The following S100Z variants were observed in gnomAD, a reference collection of about 807,000 sequenced individuals.
S100Z encodes protein S100-Z.
A neutral mutation model predicts 8.5 loss-of-function variants in S100Z; 11 were observed. The ratio of observed to expected loss-of-function variants is 1.30; its 90% CI spans 0.82 to 2.15. The LOEUF (loss-of-function observed/expected upper bound fraction) is 2.15, where lower values mean the gene tolerates loss of function less well. S100Z is among the 30% of genes most tolerant of loss of function. S100Z has a pLI of 0.00. For synonymous variants in S100Z, 34 were observed against 43.8 expected (o/e 0.78, Z 0.89); for missense variants, 126 against 117.9 (o/e 1.07, Z -0.32).
intron 1 of S100Z, among the ~76,000 whole-genome samples, chr5:76,861,962 G>C (rs1175220061): frequency 2.6e-5 from 4 of 151,838 alleles, no homozygotes; most frequent in Admixed American, 2.0e-4. Flanking sequence ...CATTGTTTAA[G>C]TTATTCACCT....
At chr5:76,887,435 C>T (rs1279848937) in intron 4 of S100Z, among the ~76,000 whole-genome samples, 1 of 130,350 alleles carries the variant, frequency 7.7e-6, no homozygotes, top group Non-Finnish European at 1.6e-5. Flanking sequence ...AGGTCTCGCT[C>T]TGTGCCCAGG....
the S100Z span, among the ~76,000 whole-genome samples, chr5:76,947,961 AATGGAT>A: frequency 4.6e-5 from 7 of 152,322 alleles, no homozygotes; most frequent in Admixed American, 2.0e-4. Flanking sequence ...GCAATGATTT[AATGGAT>A]ATGACACCAT....
chr5:76,897,966 C>T (rs1349794406), intron 4 of S100Z, among the ~76,000 whole-genome samples: 1 of 152,070 alleles, frequency 6.6e-6, no homozygotes, highest in Non-Finnish European at 1.5e-5. Flanking sequence ...AATTTGAATG[C>T]CCTTTATATC....
At position 76,921,123 on chromosome 5, in the gene S100Z, T is replaced by C. The variant is rs1745020870; in HGVS notation, c.*409T>C. ...TTAACTTCTTCATTCGAATTTTCCC[T>C]AGGTCCATGTATCTATATATCTATG... On this transcript the variant is annotated 3_prime_UTR_variant, in exon 5 of 5. Transcript: ENST00000317593. The C allele has an allele frequency of 6.6e-6, 1 of 152,226 alleles. No individual in the cohort carries two copies. Among genetic ancestry groups the C allele is most frequent in the Non-Finnish European group, 1.5e-5 (1 of 68,038 alleles). 9.4% of individuals were successfully genotyped at this position (152,226 alleles called of 1,614,324 possible). A position where few individuals can be genotyped will look rare whatever the true frequency, so the allele number is the denominator to read the frequency against.
At chr5:76,942,103 A>G in the S100Z span, among the ~76,000 whole-genome samples, 1 of 151,794 alleles carries the variant, frequency 6.6e-6, no homozygotes, top group Non-Finnish European at 1.5e-5. Flanking sequence ...CCTACCATAT[A>G]AATATTATTA....
At chr5:76,910,458 A>C (rs1744611203) in intron 4 of S100Z, among the ~76,000 whole-genome samples, 1 of 152,052 alleles carries the variant, frequency 6.6e-6, no homozygotes, top group African/African-American at 2.4e-5. Context: ...ACACAAACAA[A>C]CCTTCATGGT....
rs1442841633 is a variant in S100Z, at chr5:76,921,526, A to C, written c.*812A>C. On this transcript the variant is annotated 3_prime_UTR_variant, in exon 5 of 5. Coordinates refer to ENST00000317593, the MANE Select transcript of S100Z (RefSeq NM_130772.4). The stretch of plus-strand genomic sequence containing the variant: ...AGTTAACGATTATTTAAAAGTATTC[A>C]TAATTTTCTGATAATAAAAGTAAGA... 1 of 152,242 alleles carries C rather than the reference A, an allele frequency of 6.6e-6. No homozygotes were observed. Among genetic ancestry groups the C allele is most frequent in the Non-Finnish European group, 1.5e-5 (1 of 68,044 alleles). The allele number at this position is 152,242 out of a possible 1,614,324, so 9.4% of individuals were successfully genotyped here. A position where few individuals can be genotyped will look rare whatever the true frequency, so the allele number is the denominator to read the frequency against.
chr5:76,855,615 C>T lies in S100Z; in HGVS notation c.-176+5460C>T, dbSNP rs544788229. 4.2e-3 allele frequency among the ~76,000 whole-genome samples: 633 copies of T among 152,250 alleles called. 5 individuals are homozygous for T. The highest frequency in any genetic ancestry group is 0.014 in the African/African-American group (600 of 41,542). ...CAGGAGTATTTACCTAATATCTATA[C>T]CCCCAGTTGTATCTTGGAAGTAACT... On this transcript the variant is annotated intron_variant, in intron 1 of 4. Transcript: ENST00000317593.
chr5:76,888,728 T>C (rs1743751388), intron 4 of S100Z, among the ~76,000 whole-genome samples: 1 of 152,214 alleles, frequency 6.6e-6, no homozygotes, highest in Non-Finnish European at 1.5e-5. Context: ...AGTTTTCATT[T>C]TTTAAAGCAT....
intron 4 of S100Z, among the ~76,000 whole-genome samples, chr5:76,914,657 C>A (rs1183530453): frequency 1.3e-5 from 2 of 152,064 alleles, no homozygotes; most frequent in Non-Finnish European, 2.9e-5. Flanking sequence ...AGACCATGGA[C>A]CCACCAGGAG....
intron 4 of S100Z, among the ~76,000 whole-genome samples, chr5:76,914,809 A>G (rs930508542): frequency 7.9e-5 from 12 of 152,156 alleles, no homozygotes; most frequent in Admixed American, 4.6e-4. Context: ...TAAGAGCTGT[A>G]ACCCTCACAG....
At chr5:76,898,557 T>C (rs1744119807) in intron 4 of S100Z, among the ~76,000 whole-genome samples, 2 of 152,202 alleles carry the variant, frequency 1.3e-5, no homozygotes, top group African/African-American at 2.4e-5. Flanking sequence ...TCAACTGAAA[T>C]GATCATATGG....
the S100Z span, among the ~76,000 whole-genome samples, chr5:76,947,872 A>G: frequency 1.3e-5 from 2 of 151,052 alleles, no homozygotes; most frequent in South Asian, 4.2e-4. Flanking sequence ...CTCAAAATGG[A>G]TTAAAGACTT....
the S100Z span, among the ~76,000 whole-genome samples, chr5:76,945,526 C>T: frequency 1.3e-5 from 2 of 152,232 alleles, no homozygotes; most frequent in East Asian, 3.8e-4. Context: ...AGAAAAGCCG[C>T]CCTGTGGCGG....
downstream of S100Z, among the ~76,000 whole-genome samples, chr5:76,925,691 G>A (rs1201153275): frequency 6.6e-6 from 1 of 152,116 alleles, no homozygotes; most frequent in Admixed American, 6.5e-5. Flanking sequence ...GTAAAGCCAG[G>A]CGTGGTGGCT....
At chr5:76,850,243 C>G (rs554394127) in intron 1 of S100Z, 88 bp downstream of exon 1, 4 of 143,728 alleles carry the variant, frequency 2.8e-5, no homozygotes, top group African/African-American at 1.0e-4. Flanking sequence ...GAGAGGGCAA[C>G]AAGAGTGGAG....
intron 4 of S100Z, among the ~76,000 whole-genome samples, chr5:76,912,151 A>C (rs1235190594): frequency 1.3e-5 from 2 of 152,220 alleles, no homozygotes; most frequent in Non-Finnish European, 2.9e-5. Flanking sequence ...TGGACTACTC[A>C]TGATGTAAAT....
intron 3 of S100Z, among the ~76,000 whole-genome samples, chr5:76,876,521 A>G (rs1241640500): frequency 2.0e-5 from 3 of 152,036 alleles, no homozygotes; most frequent in East Asian, 1.9e-4. Flanking sequence ...GGCATGCACC[A>G]CGACACCCAG....
chr5:76,859,371 A>T (rs1370665278), intron 1 of S100Z, among the ~76,000 whole-genome samples: 2 of 152,194 alleles, frequency 1.3e-5, no homozygotes, highest in Non-Finnish European at 2.9e-5. Flanking sequence ...CATTGAAAAC[A>T]AGAGAATGCT....
Sources: allele counts gnomAD v4.1 joint callset (sites outside exome capture counted in the v4.1 genomes callset), GRCh38; gene constraint gnomAD v4.1.1; transcripts MANE v1.5; gene names NCBI Gene and HGNC (gene_info 2026-07-23, HGNC 2026-07-21).